The following CELF1 variants were observed in gnomAD, a reference collection of about 807,000 sequenced individuals.
The protein encoded by CELF1 is CUGBP Elav-like family member 1.
In CELF1, 10 loss-of-function variants were observed where a neutral mutation model predicts 61.8. The observed-to-expected ratio is 0.16, with a 90% CI of 0.10 to 0.27. CELF1 has a LOEUF of 0.27. Ranked by LOEUF, CELF1 falls within the 10% of genes least tolerant of loss-of-function variation. The pLI, the probability that CELF1 is intolerant of heterozygous loss-of-function variation, is 1.00. For synonymous variants in CELF1, 236 were observed against 225.1 expected (o/e 1.05, Z -0.43); for missense variants, 380 against 639.1 (o/e 0.59, Z 4.37).
intron 9 of CELF1, among the ~76,000 whole-genome samples, chr11:47,480,500 C>T (rs1322556193): frequency 6.6e-6 from 1 of 152,190 alleles, no homozygotes. Flanking sequence ...GGGCAGGAAT[C>T]ATGTCTAACC....
intron 1 of CELF1, among the ~76,000 whole-genome samples, chr11:47,517,222 G>A (rs1429008123): frequency 2.1e-5 from 3 of 141,792 alleles, no homozygotes; most frequent in Admixed American, 1.5e-4. Context: ...CTCCAGCCTG[G>A]ACAACTGAGA....
intron 6 of CELF1, among the ~76,000 whole-genome samples, chr11:47,485,057 T>C (rs1208431064): frequency 6.6e-6 from 1 of 152,256 alleles, no homozygotes; most frequent in African/African-American, 2.4e-5. Context: ...CTTTGTAATC[T>C]TGTGAAAGTT....
rs2076690804 is a variant in CELF1 at position 47,466,394 on chromosome 11, C to T, written c.*5836G>A. On this transcript the variant is annotated 3_prime_UTR_variant, in exon 15 of 15. Coordinates refer to ENST00000687097, the MANE Select transcript of CELF1 (RefSeq NM_001376376.1). ...AATCCCGTTGTTGCTGCAGAACAGA[C>T]TGTGCGTTTGGTCATAGTGGCAATT... is the stretch of plus-strand genomic sequence containing the variant. 6.6e-6 allele frequency: 1 copy of T among 152,202 alleles called. No homozygotes were observed. Among genetic ancestry groups the T allele is most frequent in the Non-Finnish European group, 1.5e-5 (1 of 68,044 alleles). The allele number at this position is 152,202 out of a possible 1,614,324, so 9.4% of individuals were successfully genotyped here.
chr11:47,509,312 T>C (rs562745118), intron 1 of CELF1, among the ~76,000 whole-genome samples: 6 of 152,274 alleles, frequency 3.9e-5, no homozygotes, highest in Admixed American at 3.9e-4. Context: ...CGGATGTCTG[T>C]TTCTATTAAC....
intron 2 of CELF1, among the ~76,000 whole-genome samples, chr11:47,561,504 CT>C (rs1397630683): frequency 8.1e-5 from 12 of 148,482 alleles, no homozygotes; most frequent in Non-Finnish European, 1.6e-4. Context: ...ACTAAAATGG[CT>C]ATAATGAAAG....
intron 9 of CELF1, among the ~76,000 whole-genome samples, chr11:47,479,843 C>T (rs774551175): frequency 1.6e-4 from 25 of 152,114 alleles, no homozygotes; most frequent in Non-Finnish European, 2.2e-4. Context: ...GTTTCTCTGT[C>T]GCCGCAAATC....
At chr11:47,496,645 G>C (rs1408032231) in intron 3 of CELF1, among the ~76,000 whole-genome samples, 1 of 152,170 alleles carries the variant, frequency 6.6e-6, no homozygotes, top group Non-Finnish European at 1.5e-5. Flanking sequence ...TAGAAAAAGT[G>C]CTACGTGGCA....
intron 3 of CELF1, among the ~76,000 whole-genome samples, chr11:47,492,402 A>C (rs1277316930): frequency 6.6e-6 from 1 of 152,072 alleles, no homozygotes; most frequent in African/African-American, 2.4e-5. Context: ...GCTTAATCCT[A>C]ATGTTCCAAC....
rs899294276 is a variant in CELF1, at chr11:47,466,619, C to G, written c.*5611G>C. 1 of 151,950 alleles carries G rather than the reference C, an allele frequency of 6.6e-6. No individual in the cohort carries two copies. The highest frequency in any genetic ancestry group is 1.5e-5 in the Non-Finnish European group (1 of 67,988). 9.4% of individuals were successfully genotyped at this position (151,950 alleles called of 1,614,324 possible). ...AAGCAGCTGGAAATCAGAAAGGCAGCTGCCGCTCCAGGGTCTCAAATCCAT... is the reference window on the plus strand; with the variant it reads ...AAGCAGCTGGAAATCAGAAAGGCAGGTGCCGCTCCAGGGTCTCAAATCCAT... On this transcript the variant is annotated 3_prime_UTR_variant, in exon 15 of 15. Coordinates refer to ENST00000687097, the MANE Select transcript of CELF1 (RefSeq NM_001376376.1).
rs2084103726 is a variant in CELF1 at position 47,482,735 on chromosome 11, T to C, written c.728A>G (p.Asn243Ser). The C allele has an allele frequency of 6.2e-7, 1 of 1,614,012 alleles. No individual in the cohort carries two copies. Among genetic ancestry groups the C allele is most frequent in the South Asian group, 1.1e-5 (1 of 91,066 alleles). ...TCCAAGAGTATTTAGACCAGCAAGG[T>C]TTCCCCACACAGATGCTGCGCTGAT... is the stretch of plus-strand genomic sequence containing the variant. Reference protein sequence around the residue: ...QQISAASVWGNLAGLNTLGPQ... With the variant: ...QQISAASVWGSLAGLNTLGPQ... The change falls in exon 9 of 15, where the codon AAC becomes AGC. Residue 243 changes from asparagine to serine, a missense_variant. By Grantham distance (46) the Asn-to-Ser change is conservative. Transcript: ENST00000687097.
At chr11:47,540,839 C>T (rs1460324630) in intron 1 of CELF1, among the ~76,000 whole-genome samples, 1 of 151,996 alleles carries the variant, frequency 6.6e-6, no homozygotes, top group Non-Finnish European at 1.5e-5. Flanking sequence ...GAGCCGAGAT[C>T]GCGCCACTGG....
chr11:47,493,419 A>G (rs1219625588), intron 3 of CELF1, among the ~76,000 whole-genome samples: 3 of 151,086 alleles, frequency 2.0e-5, no homozygotes, highest in Non-Finnish European at 4.4e-5. Flanking sequence ...GAAGCAGGAG[A>G]ATCACTTGAA....
chr11:47,475,282 G>T, intron 13 of CELF1, 54 bp downstream of exon 13: 2 of 1,565,622 alleles, frequency 1.3e-6, no homozygotes, highest in Non-Finnish European at 8.8e-7. Context: ...TTCCGTTCTG[G>T]TATAGGAGGA....
intron 2 of CELF1, among the ~76,000 whole-genome samples, chr11:47,563,569 G>A (rs777291879): frequency 1.3e-5 from 2 of 152,080 alleles, no homozygotes; most frequent in African/African-American, 4.8e-5. Flanking sequence ...GGCACCTGTA[G>A]TTCTAGCTAC....
chr11:47,548,444 T>A (rs1040661906), intron 1 of CELF1, among the ~76,000 whole-genome samples: 1 of 151,936 alleles, frequency 6.6e-6, no homozygotes, highest in African/African-American at 2.4e-5. Flanking sequence ...AAACCAGAAA[T>A]AAACAAATGG....
chr11:47,551,075 C>T (rs938992329), intron 1 of CELF1, among the ~76,000 whole-genome samples: 1 of 151,492 alleles, frequency 6.6e-6, no homozygotes, highest in Non-Finnish European at 1.5e-5. Flanking sequence ...GCAAGTAAGT[C>T]ACTTAATTTC....
chr11:47,477,313 G>A lies in CELF1; in HGVS notation c.957C>T (p.Ser319=), dbSNP rs761207853. ...CATGCTTACCTGAACTAGTGAGCAC[G>A]CTGAGGGGACTGCTGGATGTAGTGA... ...NALTTSSSPL[S]VLTSSAGSSP... The change falls in exon 11 of 15, where the codon AGC becomes AGT. Residue 319 remains serine, a synonymous_variant. Coordinates refer to ENST00000687097, the MANE Select transcript of CELF1 (RefSeq NM_001376376.1). 2 of 1,614,040 alleles carry A rather than the reference G, an allele frequency of 1.2e-6. No individual in the cohort carries two copies. The highest frequency in any genetic ancestry group is 2.2e-5 in the East Asian group (1 of 44,882).
intron 6 of CELF1, among the ~76,000 whole-genome samples, chr11:47,485,087 G>C (rs1335015361): frequency 6.6e-6 from 1 of 152,216 alleles, no homozygotes; most frequent in African/African-American, 2.4e-5. Flanking sequence ...TTCTGTGCCT[G>C]TTTCCTCATC....
At chr11:47,494,889 G>A (rs1400883771) in intron 3 of CELF1, among the ~76,000 whole-genome samples, 9 of 152,180 alleles carry the variant, frequency 5.9e-5, no homozygotes, top group Admixed American at 5.9e-4. Flanking sequence ...AGTGGCTACT[G>A]TATGAGACAG....
Sources: gnomAD v4.1 joint callset for allele counts (sites outside exome capture counted in the v4.1 genomes callset) on GRCh38, gnomAD v4.1.1 for gene constraint, MANE v1.5 for transcripts, NCBI Gene and HGNC (gene_info 2026-07-23, HGNC 2026-07-21) for gene names.